IGFBP2: variants seen among roughly 807,000 people sequenced by gnomAD.
The protein encoded by IGFBP2 is insulin-like growth factor-binding protein 2.
IGFBP2 carries 12 observed loss-of-function variants against 26.2 expected under a neutral mutation model. That is an observed-to-expected ratio of 0.46 (90% confidence interval 0.29 to 0.74). The LOEUF is 0.74. Among genes scored for constraint, IGFBP2 ranks in the 30% least tolerant of loss-of-function variants. The pLI, the probability that IGFBP2 is intolerant of heterozygous loss-of-function variation, is 0.09. For missense variants in IGFBP2, 328 were observed against 441.2 expected, an observed-to-expected ratio of 0.74 and a Z score of 2.30; for synonymous variants, 189 against 200.6, an observed-to-expected ratio of 0.94 and a Z score of 0.49.
intron 1 of IGFBP2, among the ~76,000 whole-genome samples, chr2:216,644,704 C>T (rs890981864): frequency 6.6e-6 from 1 of 152,296 alleles, no homozygotes; most frequent in Admixed American, 6.5e-5. Flanking sequence ...CCTGCTTCTA[C>T]CAGAAAGCTC....
In IGFBP2 at chr2:216,645,504, G is replaced by A. The variant is rs375100464; in HGVS notation, c.442+11539G>A. On this transcript the variant is annotated intron_variant, in intron 1 of 3. Transcript: ENST00000233809. ...TGTGCAGTTGGCCTCCAGCTCTATA[G>A]TTCATTTATCAAGTGTGAGGGGGAT... 3.9e-5 allele frequency among the ~76,000 whole-genome samples: 6 copies of A among 152,170 alleles called. No homozygotes were observed. In the East Asian group the frequency reaches 7.7e-4, roughly 20 times the overall value.
intron 1 of IGFBP2, among the ~76,000 whole-genome samples, chr2:216,646,468 A>G (rs1697711107): frequency 6.6e-6 from 1 of 152,246 alleles, no homozygotes; most frequent in Non-Finnish European, 1.5e-5. Context: ...GGCAAAGGCC[A>G]GAAGAATGAG....
At chr2:216,640,946 G>A (rs1697601260) in intron 1 of IGFBP2, among the ~76,000 whole-genome samples, 2 of 152,222 alleles carry the variant, frequency 1.3e-5, no homozygotes, top group East Asian at 3.9e-4. Context: ...TCACAGGGTG[G>A]GCCTCTTGAG....
At chr2:216,639,199 A>T (rs1471583759) in intron 1 of IGFBP2, among the ~76,000 whole-genome samples, 2 of 151,712 alleles carry the variant, frequency 1.3e-5, no homozygotes, top group Non-Finnish European at 2.9e-5. Context: ...TACACGGTTA[A>T]TATTTTTGTA....
intron 1 of IGFBP2, chr2:216,659,794 G>A: frequency 1.4e-6 from 2 of 1,470,602 alleles, no homozygotes; most frequent in Non-Finnish European, 1.8e-6. Flanking sequence ...CTGTTCTTGG[G>A]GCTCTCAGTA....
chr2:216,652,768 A>G (rs2106200346), intron 1 of IGFBP2, among the ~76,000 whole-genome samples: 1 of 152,330 alleles, frequency 6.6e-6, no homozygotes, highest in South Asian at 2.1e-4. Context: ...GAGCCATGTG[A>G]GTTTTCTGCC....
chr2:216,646,102 G>A (rs1559176476), intron 1 of IGFBP2, among the ~76,000 whole-genome samples: 1 of 152,222 alleles, frequency 6.6e-6, no homozygotes, highest in South Asian at 2.1e-4. Flanking sequence ...TTCTTGTGCT[G>A]GTTTGAGAGT....
rs140231557 is a variant in IGFBP2, at chr2:216,648,097, C to G, written c.443-12460C>G. Among the ~76,000 whole-genome samples, 894 of 152,314 alleles carry G rather than the reference C, an allele frequency of 5.9e-3. 10 individuals carry two copies. The highest frequency in any genetic ancestry group is 0.02 in the African/African-American group (836 of 41,560). On this transcript the variant is annotated intron_variant, in intron 1 of 3. Coordinates refer to ENST00000233809, the MANE Select transcript of IGFBP2 (RefSeq NM_000597.3). ...ATTTATCAGATTTGTTTTGTTCTTT[C>G]TTATGAAATTCTTGGATGGCTTCTA... is the stretch of plus-strand genomic sequence containing the variant.
In IGFBP2 at chr2:216,633,938, T is replaced by C; in HGVS notation, c.415T>C (p.Tyr139His). The change falls in exon 1 of 4, where the codon TAT becomes CAT. Residue 139 changes from tyrosine to histidine, a missense_variant. By Grantham distance (83) the Tyr-to-His change is moderately conservative. Transcript: ENST00000233809. ...GTCEKRRDAE[Y>H]GASPEQVADN... is the part of the protein sequence containing the mutation. ...TTGTGAGAAGCGCCGGGACGCCGAG[T>C]ATGGCGCCAGCCCGGAGCAGGTTGC... 1.2e-6 allele frequency: 2 copies of C among 1,603,142 alleles called. No homozygotes were observed. The highest frequency in any genetic ancestry group is 1.7e-6 in the Non-Finnish European group (2 of 1,176,152).
chr2:216,649,546 G>A (rs1049920320), intron 1 of IGFBP2, among the ~76,000 whole-genome samples: 7 of 152,190 alleles, frequency 4.6e-5, no homozygotes, highest in African/African-American at 1.7e-4. Context: ...TTCCTGGATG[G>A]CTTTAGTTGA....
At chr2:216,662,305 A>G in intron 3 of IGFBP2, 1 of 373,634 alleles carries the variant, frequency 2.7e-6, no homozygotes, top group Admixed American at 4.1e-5. Flanking sequence ...CTTTGCTTTG[A>G]TCGGACATTG....
At chr2:216,635,634 G>C (rs1053965923) in intron 1 of IGFBP2, among the ~76,000 whole-genome samples, 4 of 147,970 alleles carry the variant, frequency 2.7e-5, no homozygotes, top group Non-Finnish European at 5.9e-5. Context: ...CTCTTCATTC[G>C]TCTTATTCTA....
intron 3 of IGFBP2, 40 bp downstream of exon 3, chr2:216,662,038 C>T: frequency 1.9e-6 from 3 of 1,606,660 alleles, no homozygotes; most frequent in South Asian, 2.2e-5. Context: ...AGCTCCTCCT[C>T]AGCCCTGGGC....
At position 216,646,752 on chromosome 2, in the gene IGFBP2, A is replaced by G. The variant is rs9341147; in HGVS notation, c.442+12787A>G. ...TCAGATCTCATGAGACTTGTTCACT[A>G]TCACGAGAACAGCATGGGAAAGACC... On this transcript the variant is annotated intron_variant, in intron 1 of 3. Transcript: ENST00000233809. Among the ~76,000 whole-genome samples, 713 of 152,290 alleles carry G rather than the reference A, an allele frequency of 4.7e-3. 5 individuals are homozygous for G. Among genetic ancestry groups the G allele is most frequent in the African/African-American group, 0.016 (654 of 41,566 alleles).
At chr2:216,638,516 TAAAATA>T (rs1187717416) in intron 1 of IGFBP2, among the ~76,000 whole-genome samples, 7 of 151,560 alleles carry the variant, frequency 4.6e-5, no homozygotes, top group Non-Finnish European at 7.4e-5. Context: ...AAAAATAAAA[TAAAATA>T]AAAATAAAAA....
chr2:216,654,925 A>G (rs1272982530), intron 1 of IGFBP2, among the ~76,000 whole-genome samples: 8 of 152,224 alleles, frequency 5.3e-5, no homozygotes, highest in Admixed American at 4.6e-4. Context: ...TCCTGGAGGA[A>G]CACTGCCAAG....
At chr2:216,634,205 C>G (rs1181227549) in intron 1 of IGFBP2, among the ~76,000 whole-genome samples, 1 of 152,180 alleles carries the variant, frequency 6.6e-6, no homozygotes, top group Non-Finnish European at 1.5e-5. Flanking sequence ...GGAAAGGCAT[C>G]CCTGCTGCCA....
In IGFBP2 at chr2:216,664,131, C is replaced by A; in HGVS notation, c.*27C>A. ...CCGCAGCCAGCCGGTGCCTGGCGCCCCTGCCCCCCGCCCCTCTCCAAACAC... is the reference window on the plus strand; with the variant it reads ...CCGCAGCCAGCCGGTGCCTGGCGCCACTGCCCCCCGCCCCTCTCCAAACAC... On this transcript the variant is annotated 3_prime_UTR_variant, in exon 4 of 4. Transcript: ENST00000233809. This position sits in a 1 kb window ranked among gnomAD's most constrained non-coding sequence, Gnocchi z 4.6. The A allele has an allele frequency of 6.5e-7, 1 of 1,529,296 alleles. No homozygotes were observed. Among genetic ancestry groups the A allele is most frequent in the South Asian group, 1.3e-5 (1 of 79,082 alleles). The allele number at this position is 1,529,296 out of a possible 1,614,324, so 94.7% of individuals were successfully genotyped here. A position where few individuals can be genotyped will look rare whatever the true frequency, so the allele number is the denominator to read the frequency against.
chr2:216,651,615 T>C (rs1426373194), intron 1 of IGFBP2, among the ~76,000 whole-genome samples: 1 of 152,204 alleles, frequency 6.6e-6, no homozygotes, highest in African/African-American at 2.4e-5. Context: ...TTAGAAGAAA[T>C]ATGCAATAGA....
Sources: allele counts gnomAD v4.1 joint callset (sites outside exome capture counted in the v4.1 genomes callset), GRCh38; gene constraint gnomAD v4.1.1; non-coding constraint Gnocchi (gnomAD v3.1); transcripts MANE v1.5; gene names NCBI Gene and HGNC (gene_info 2026-07-23, HGNC 2026-07-21).